The following ARHGAP44 variants were observed in gnomAD, a reference collection of about 807,000 sequenced individuals.
ARHGAP44 encodes Rho GTPase activating protein 44.
A neutral mutation model predicts 106.8 loss-of-function variants in ARHGAP44; 43 were observed. The ratio of observed to expected loss-of-function variants is 0.40; its 90% CI spans 0.32 to 0.52. The LOEUF is 0.52. ARHGAP44 is among the 20% of genes least tolerant of loss of function. The pLI is 0.48. For missense variants in ARHGAP44, 866 were observed against 1,050.5 expected (o/e 0.82, Z 2.43); for synonymous variants, 439 against 410.3 (o/e 1.07, Z -0.85).
intron 13 of ARHGAP44, among the ~76,000 whole-genome samples, 187 bp downstream of exon 13, chr17:12,952,768 G>C (rs4792305): frequency 0.3 from 39,467 of 130,202 alleles, 6,548 homozygotes; most frequent in African/African-American, 0.48. Flanking sequence ...GAGTCTCACT[G>C]TGTCGCCCAG....
At chr17:12,937,751 A>G (rs1277471550) in intron 7 of ARHGAP44, among the ~76,000 whole-genome samples, 1 of 152,196 alleles carries the variant, frequency 6.6e-6, no homozygotes, top group Non-Finnish European at 1.5e-5. Flanking sequence ...AAAATTATTT[A>G]AAAGACCAGT....
chr17:12,810,616 A>G (rs568981175), intron 1 of ARHGAP44, among the ~76,000 whole-genome samples: 34 of 152,272 alleles, frequency 2.2e-4, no homozygotes, highest in Admixed American at 2.2e-3. Flanking sequence ...TCAATCATGC[A>G]TATGGGATGA....
At chr17:12,841,621 C>T (rs1306240065) in intron 1 of ARHGAP44, among the ~76,000 whole-genome samples, 1 of 145,674 alleles carries the variant, frequency 6.9e-6, no homozygotes, top group African/African-American at 2.7e-5. Context: ...CACACACACA[C>T]ACACACACAC....
At chr17:12,795,448 C>T (rs953598054) in intron 1 of ARHGAP44, among the ~76,000 whole-genome samples, 4 of 152,026 alleles carry the variant, frequency 2.6e-5, no homozygotes, top group Non-Finnish European at 4.4e-5. Context: ...TGCAAGTCAT[C>T]GTGAGGAAGC....
At chr17:12,814,329 C>G (rs542906420) in intron 1 of ARHGAP44, among the ~76,000 whole-genome samples, 16 of 151,040 alleles carry the variant, frequency 1.1e-4, no homozygotes, top group African/African-American at 3.9e-4. Context: ...CACCCTCCGC[C>G]TCCTGAGTTC....
At chr17:12,914,445 C>T (rs963161889) in intron 4 of ARHGAP44, among the ~76,000 whole-genome samples, 3 of 152,128 alleles carry the variant, frequency 2.0e-5, no homozygotes, top group African/African-American at 4.8e-5. Context: ...ATTCAAAGAA[C>T]GAAATTCTCC....
chr17:12,941,467 C>T (rs1312798322), intron 8 of ARHGAP44, among the ~76,000 whole-genome samples: 2 of 151,962 alleles, frequency 1.3e-5, no homozygotes, highest in Non-Finnish European at 2.9e-5. Context: ...AGGGCAGAGG[C>T]CAGAGATGCT....
intron 1 of ARHGAP44, among the ~76,000 whole-genome samples, chr17:12,864,773 A>G (rs2036184547): frequency 6.6e-6 from 1 of 152,214 alleles, no homozygotes; most frequent in African/African-American, 2.4e-5. Flanking sequence ...ATTAGCATGC[A>G]AAAAAATAAA....
intron 1 of ARHGAP44, among the ~76,000 whole-genome samples, chr17:12,822,656 G>A (rs1011743249): frequency 6.6e-6 from 1 of 152,150 alleles, no homozygotes; most frequent in Non-Finnish European, 1.5e-5. Flanking sequence ...AGTGATGAGA[G>A]CTCAACAGAA....
At position 12,841,518 on chromosome 17, in the gene ARHGAP44, C is replaced by T. The variant is rs530296480; in HGVS notation, c.53+51627C>T. Among the ~76,000 whole-genome samples the T allele has an allele frequency of 3.3e-5, 5 of 150,796 alleles. No individual in the cohort carries two copies. In the East Asian group the frequency reaches 7.9e-4, roughly 24 times the overall value. ...GAGAATTGCTTGAGAGCCTGGGAGCCGGAAGTTGAGCTGAGATTGAACCAC... is the reference window on the plus strand; with the variant it reads ...GAGAATTGCTTGAGAGCCTGGGAGCTGGAAGTTGAGCTGAGATTGAACCAC... On this transcript the variant is annotated intron_variant, in intron 1 of 20. Coordinates refer to ENST00000379672, the MANE Select transcript of ARHGAP44 (RefSeq NM_014859.6).
chr17:12,797,155 T>C (rs1395423423), intron 1 of ARHGAP44, among the ~76,000 whole-genome samples: 12 of 152,182 alleles, frequency 7.9e-5, no homozygotes, highest in Non-Finnish European at 2.9e-5. Flanking sequence ...TTTTGTGATC[T>C]TAAGTCTATC....
rs775245172 is a variant in ARHGAP44 at position 12,991,249 on chromosome 17, AT to A, written c.*1081del. The A allele has an allele frequency of 1.3e-5, 2 of 152,596 alleles. No homozygotes were observed. The highest frequency in any genetic ancestry group is 2.4e-5 in the African/African-American group (1 of 41,440). 9.5% of individuals were successfully genotyped at this position (152,596 alleles called of 1,614,324 possible). On this transcript the variant is annotated 3_prime_UTR_variant, in exon 21 of 21. Transcript: ENST00000379672. ...TTGGGGATTAGGGGAGTGAGAAAAG[AT>A]TTGGGCCATGCATGCAAAGTCAAAG...
chr17:12,974,457 C>G, intron 18 of ARHGAP44, 147 bp downstream of exon 18: 1 of 686,560 alleles, frequency 1.5e-6, no homozygotes. Context: ...CTGCGTCGCG[C>G]TGGCACCAAG....
At chr17:12,951,379 G>A (rs941355801) in intron 12 of ARHGAP44, among the ~76,000 whole-genome samples, 4 of 152,142 alleles carry the variant, frequency 2.6e-5, no homozygotes, top group Non-Finnish European at 5.9e-5. Context: ...CAAGGAGTCC[G>A]GTTTCAGGGC....
At chr17:12,799,966 A>G (rs951424780) in intron 1 of ARHGAP44, among the ~76,000 whole-genome samples, 3 of 152,120 alleles carry the variant, frequency 2.0e-5, no homozygotes, top group African/African-American at 7.2e-5. Context: ...CCTTTCTACA[A>G]TAGGGAGAGG....
chr17:12,859,932 G>T (rs1249358233), intron 1 of ARHGAP44, among the ~76,000 whole-genome samples: 1 of 152,110 alleles, frequency 6.6e-6, no homozygotes, highest in African/African-American at 2.4e-5. Context: ...AATCTCTGTG[G>T]TTCATGAAAA....
intron 7 of ARHGAP44, among the ~76,000 whole-genome samples, chr17:12,938,935 T>C (rs1219354645): frequency 1.3e-5 from 2 of 152,232 alleles, no homozygotes; most frequent in African/African-American, 2.4e-5. Context: ...GAAGCACAGA[T>C]GCCGAGATGT....
intron 1 of ARHGAP44, among the ~76,000 whole-genome samples, chr17:12,867,930 T>C (rs1477961930): frequency 1.3e-5 from 2 of 152,164 alleles, no homozygotes; most frequent in Non-Finnish European, 2.9e-5. Flanking sequence ...TACTCTATTC[T>C]ACAGCTCCAT....
intron 1 of ARHGAP44, among the ~76,000 whole-genome samples, chr17:12,803,594 G>T (rs936489327): frequency 6.6e-6 from 1 of 152,050 alleles, no homozygotes; most frequent in Non-Finnish European, 1.5e-5. Context: ...AACTTCCTGG[G>T]CTCAAATGAT....
Sources: allele counts gnomAD v4.1 joint callset (sites outside exome capture counted in the v4.1 genomes callset), GRCh38; gene constraint gnomAD v4.1.1; transcripts MANE v1.5; gene names NCBI Gene and HGNC (gene_info 2026-07-23, HGNC 2026-07-21).